PSMD12: variants seen among roughly 807,000 people sequenced by gnomAD.
The protein encoded by PSMD12 is 26S proteasome non-ATPase regulatory subunit 12.
PSMD12 carries 8 observed loss-of-function variants against 62.9 expected under a neutral mutation model. The observed-to-expected ratio is 0.13, with a 90% confidence interval of 0.07 to 0.23. The LOEUF is 0.23. Among genes scored for constraint, PSMD12 ranks in the 10% least tolerant of loss-of-function variants. The pLI is 1.00. For missense variants in PSMD12, 424 were observed against 550.2 expected (o/e 0.77, Z 2.29); for synonymous variants, 173 against 187.4 (o/e 0.92, Z 0.63).
rs2041961273 is a variant in PSMD12, at chr17:67,345,957, T to A, written c.796-100A>T. ...GAATAACTATATATCCATTTCAAATTTTAAAGTCTTGGCCGGGCGCAGTGG... is the reference window on the plus strand; with the variant it reads ...GAATAACTATATATCCATTTCAAATATTAAAGTCTTGGCCGGGCGCAGTGG... On this transcript the variant is annotated intron_variant, in intron 7 of 10. Coordinates refer to ENST00000356126, the MANE Select transcript of PSMD12 (RefSeq NM_002816.5). The A allele has an allele frequency of 2.6e-6, 3 of 1,139,730 alleles. No homozygotes were observed. The African/African-American group carries it at 4.7e-5, about 18-fold the overall frequency. The allele number at this position is 1,139,730 out of a possible 1,614,324, so 70.6% of individuals were successfully genotyped here. A position where few individuals can be genotyped will look rare whatever the true frequency, so the allele number is the denominator to read the frequency against.
In PSMD12 at chr17:67,342,169, A is replaced by C; in HGVS notation, c.1161+17T>G. ...AAAGGAATGCCTACAAATAACTCAA[A>C]GTTGATTACTACTTACATCAACAGA... On this transcript the variant is annotated intron_variant, in intron 10 of 10. Transcript: ENST00000356126. 2 of 1,517,326 alleles carry C rather than the reference A, an allele frequency of 1.3e-6. No individual in the cohort carries two copies. The highest frequency in any genetic ancestry group is 1.8e-6 in the Non-Finnish European group (2 of 1,099,208). The allele number at this position is 1,517,326 out of a possible 1,614,324, so 94.0% of individuals were successfully genotyped here.
chr17:67,362,518 C>A (rs2042140700), intron 1 of PSMD12, among the ~76,000 whole-genome samples: 1 of 151,910 alleles, frequency 6.6e-6, no homozygotes, highest in South Asian at 2.1e-4. Flanking sequence ...ACTAAAAATA[C>A]AGGCATGGTA....
chr17:67,364,886 G>A (rs2042164795), intron 1 of PSMD12, among the ~76,000 whole-genome samples: 1 of 152,086 alleles, frequency 6.6e-6, no homozygotes, highest in African/African-American at 2.4e-5. Flanking sequence ...GCAGGTGCTC[G>A]AAAGTTCAGG....
chr17:67,341,327 G>C (rs530723590), intron 10 of PSMD12, among the ~76,000 whole-genome samples: 1 of 151,942 alleles, frequency 6.6e-6, no homozygotes, highest in African/African-American at 2.4e-5. Context: ...AAATTAGCCA[G>C]GCATGGTGGC....
chr17:67,361,818 C>G (rs748825208), intron 1 of PSMD12, among the ~76,000 whole-genome samples: 6 of 135,454 alleles, frequency 4.4e-5, no homozygotes, highest in Non-Finnish European at 9.1e-5. Context: ...ACCAGCTACT[C>G]AGAAAGCTGA....
intron 1 of PSMD12, among the ~76,000 whole-genome samples, chr17:67,361,427 C>T (rs915480228): frequency 1.1e-4 from 17 of 152,094 alleles, no homozygotes; most frequent in Admixed American, 8.5e-4. Context: ...ACTAAAAATA[C>T]AAAATTTAGC....
intron 3 of PSMD12, among the ~76,000 whole-genome samples, chr17:67,353,257 A>T (rs746441421): frequency 1.3e-5 from 2 of 152,102 alleles, no homozygotes; most frequent in African/African-American, 4.8e-5. Context: ...CATTCATATT[A>T]AGCAATTTAG....
At chr17:67,351,432 T>TAATAATAATAATAATA (rs1418493805) in intron 3 of PSMD12, among the ~76,000 whole-genome samples, 2 of 96,982 alleles carry the variant, frequency 2.1e-5, no homozygotes, top group Non-Finnish European at 4.6e-5. Flanking sequence ...TAATAATAAT[T>TAATAATAATAATAATA]AGGACCATGA....
intron 5 of PSMD12, 114 bp downstream of exon 5, chr17:67,348,436 C>A: frequency 2.3e-6 from 2 of 858,356 alleles, no homozygotes; most frequent in Non-Finnish European, 3.7e-6. Context: ...AATCAAAATC[C>A]AAAATAATTA....
At position 67,347,441 on chromosome 17, in the gene PSMD12, A is replaced by G. The variant is rs1439155719; in HGVS notation, c.555T>C (p.Phe185=). 1.2e-6 allele frequency: 2 copies of G among 1,613,894 alleles called. No individual in the cohort carries two copies. The highest frequency in any genetic ancestry group is 2.2e-5 in the South Asian group (2 of 91,082). ...GGCAGAGCCTCATTTGCTCCAAAAT[A>G]AATTCCACTCGCTCTTTCTTTTCCA... ...GSMEKKERVE[F]ILEQMRLCLA... The change falls in exon 6 of 11, where the codon TTT becomes TTC. Residue 185 remains phenylalanine (F), a synonymous_variant. Transcript: ENST00000356126.
intron 8 of PSMD12, 177 bp downstream of exon 8, chr17:67,345,568 G>A (rs372787982): frequency 1.8e-6 from 1 of 557,052 alleles, no homozygotes; most frequent in Admixed American, 3.0e-5. Context: ...CTTGAACCCA[G>A]GAGGCAGAAG....
At chr17:67,350,359 T>C (rs201868430) in intron 3 of PSMD12, 23 bp from the exon 4 acceptor site, 1 of 1,515,662 alleles carries the variant, frequency 6.6e-7, no homozygotes, top group South Asian at 1.2e-5. Flanking sequence ...AAACCATTCA[T>C]AAGTAAAATA....
intron 1 of PSMD12, among the ~76,000 whole-genome samples, chr17:67,365,661 T>C (rs1462320339): frequency 6.6e-6 from 1 of 152,198 alleles, no homozygotes; most frequent in African/African-American, 2.4e-5. Context: ...TTCTCCATCC[T>C]TGTTTCTTGG....
At chr17:67,347,548 T>A in intron 5 of PSMD12, 63 bp from the exon 6 acceptor site, 1 of 1,442,646 alleles carries the variant, frequency 6.9e-7, no homozygotes, top group African/African-American at 1.4e-5. Context: ...TGCAATAAAA[T>A]GAAATAGATA....
intron 3 of PSMD12, 90 bp downstream of exon 3, chr17:67,357,213 C>A: frequency 2.1e-6 from 3 of 1,408,868 alleles, no homozygotes; most frequent in Non-Finnish European, 2.9e-6. Context: ...GTTGACTTAA[C>A]ACATTTTAAA....
intron 8 of PSMD12, 88 bp from the exon 9 acceptor site, chr17:67,344,868 G>C: frequency 9.0e-7 from 1 of 1,114,142 alleles, no homozygotes; most frequent in Non-Finnish European, 1.2e-6. Flanking sequence ...ATTCAGCAAA[G>C]ACTGTTTTCG....
At position 67,338,100 on chromosome 17, in the gene PSMD12, T is replaced by C. The variant is rs922060463; in HGVS notation, c.*2743A>G. 2.0e-5 allele frequency: 3 copies of C among 152,148 alleles called. No individual in the cohort carries two copies. The highest frequency in any genetic ancestry group is 7.2e-5 in the African/African-American group (3 of 41,430). 9.4% of individuals were successfully genotyped at this position (152,148 alleles called of 1,614,324 possible). On this transcript the variant is annotated 3_prime_UTR_variant, in exon 11 of 11. Transcript: ENST00000356126. ...AAGATGTTTTTCAGATTCAGTAACA[T>C]ATGGAAATTGAGGATAATCATAGAA...
At chr17:67,347,914 T>C (rs1028786001) in intron 5 of PSMD12, among the ~76,000 whole-genome samples, 6 of 152,250 alleles carry the variant, frequency 3.9e-5, no homozygotes, top group African/African-American at 1.4e-4. Context: ...ATTCACTCTG[T>C]ATAATGGCCT....
intron 4 of PSMD12, 42 bp from the exon 5 acceptor site, chr17:67,348,696 G>A (rs779832007): frequency 1.3e-5 from 20 of 1,559,236 alleles, no homozygotes; most frequent in African/African-American, 5.5e-5. Flanking sequence ...CCATGGAAAC[G>A]TGTTAAAATT....
Sources: allele counts gnomAD v4.1 joint callset (sites outside exome capture counted in the v4.1 genomes callset), GRCh38; gene constraint gnomAD v4.1.1; transcripts MANE v1.5; gene names NCBI Gene and HGNC (gene_info 2026-07-23, HGNC 2026-07-21).